GAREM1: variants seen among roughly 807,000 people sequenced by gnomAD.
GAREM1 encodes the protein GRB2 associated regulator of MAPK1 subtype 1, also known as GRB2-associated and regulator of MAPK protein 1.
A neutral mutation model predicts 71.3 loss-of-function variants in GAREM1; 26 were observed. The observed-to-expected ratio is 0.36, with a 90% CI of 0.27 to 0.51. The LOEUF is 0.51. Ranked by LOEUF, GAREM1 falls within the 20% of genes least tolerant of loss-of-function variation. GAREM1 has a pLI of 0.95. For synonymous variants in GAREM1, 440 were observed against 433.2 expected (o/e 1.02, Z -0.20); for missense variants, 1,026 against 1,103.1 (o/e 0.93, Z 0.99).
chr18:32,376,977 G>A (rs1229989503), intron 2 of GAREM1, among the ~76,000 whole-genome samples: 1 of 152,354 alleles, frequency 6.6e-6, no homozygotes, highest in East Asian at 1.9e-4. Flanking sequence ...TCTAAAGTAT[G>A]TTAGTTACAA....
At chr18:32,308,916 C>A (rs1427283503) in intron 3 of GAREM1, among the ~76,000 whole-genome samples, 1 of 150,024 alleles carries the variant, frequency 6.7e-6, no homozygotes, top group Non-Finnish European at 1.5e-5. Flanking sequence ...CAATAAGGGG[C>A]TGTCCTAGGC....
At chr18:32,357,772 T>A (rs960696218) in intron 2 of GAREM1, among the ~76,000 whole-genome samples, 1 of 152,210 alleles carries the variant, frequency 6.6e-6, no homozygotes, top group Non-Finnish European at 1.5e-5. Flanking sequence ...TGCTTCCTTA[T>A]ACTAAACATA....
rs575502474 is a variant in GAREM1 at position 32,326,217 on chromosome 18, C to T, written c.263-15894G>A. On this transcript the variant is annotated intron_variant, in intron 2 of 5. Coordinates refer to ENST00000269209, the MANE Select transcript of GAREM1 (RefSeq NM_001242409.2). Reference sequence around the variant, plus strand: ...CTCACTGCCACCGGGTTGGAGACTTCGGTTATGGGAAAGATAGAGACTGGG... The same window carrying T: ...CTCACTGCCACCGGGTTGGAGACTTTGGTTATGGGAAAGATAGAGACTGGG... Among the ~76,000 whole-genome samples the T allele has an allele frequency of 8.5e-5, 13 of 152,250 alleles. No homozygotes were observed. The South Asian group carries it at 1.2e-3, about 15-fold the overall frequency.
Position 32,373,216 on chromosome 18 carries a change from A to G in GAREM1, c.262+19679T>C, listed in dbSNP as rs1452150600. Among the ~76,000 whole-genome samples the G allele has an allele frequency of 3.3e-5, 5 of 152,232 alleles. No homozygotes were observed. The East Asian group carries it at 9.6e-4, about 29-fold the overall frequency. On this transcript the variant is annotated intron_variant, in intron 2 of 5. Coordinates refer to ENST00000269209, the MANE Select transcript of GAREM1 (RefSeq NM_001242409.2). ...GGGGACACATAAAATTGTTGTATCA[A>G]CTTGGAAGAGAATCCTACTTCTTGT...
intron 2 of GAREM1, among the ~76,000 whole-genome samples, chr18:32,373,696 T>C (rs2048008177): frequency 6.6e-6 from 1 of 152,160 alleles, no homozygotes; most frequent in Non-Finnish European, 1.5e-5. Context: ...ATCTCTAAGG[T>C]TGGTCACTAG....
At chr18:32,375,001 AAAG>A (rs1235665336) in intron 2 of GAREM1, among the ~76,000 whole-genome samples, 2 of 152,206 alleles carry the variant, frequency 1.3e-5, no homozygotes, top group African/African-American at 4.8e-5. Context: ...ACTTTCTCCT[AAAG>A]AAGAAGCTAA....
chr18:32,287,103 C>T lies in GAREM1; in HGVS notation c.1494G>A (p.Gly498=), dbSNP rs750374753. 1.2e-6 allele frequency: 2 copies of T among 1,614,150 alleles called. No individual in the cohort carries two copies. The highest frequency in any genetic ancestry group is 2.2e-5 in the South Asian group (2 of 91,076). ...KCATSPLPIP[G]TLGAAVKSSD... is the part of the protein sequence containing the mutation. Reference sequence around the variant, plus strand: ...AAGACTTCACTGCTGCTCCCAGAGTCCCAGGGATGGGAAGAGGAGAAGTCG... The same window carrying T: ...AAGACTTCACTGCTGCTCCCAGAGTTCCAGGGATGGGAAGAGGAGAAGTCG... Residue 498 remains glycine (G), a synonymous_variant, in exon 4 of 6, where the codon GGG becomes GGA. Transcript: ENST00000269209. The surrounding 1 kb of genome is among the most constrained non-coding windows in gnomAD (Gnocchi z 5.9).
At chr18:32,443,655 C>A (rs1293215036) in intron 1 of GAREM1, among the ~76,000 whole-genome samples, 4 of 152,114 alleles carry the variant, frequency 2.6e-5, no homozygotes, top group African/African-American at 7.2e-5. Flanking sequence ...GAAACTGGAA[C>A]CTTACACATT....
intron 1 of GAREM1, among the ~76,000 whole-genome samples, chr18:32,454,093 G>A (rs186795914): frequency 3.9e-5 from 6 of 152,146 alleles, no homozygotes; most frequent in Non-Finnish European, 7.4e-5. Flanking sequence ...TGTTAAATGA[G>A]TAAGCTAACA....
chr18:32,358,682 C>A (rs2047830912), intron 2 of GAREM1, among the ~76,000 whole-genome samples: 1 of 152,184 alleles, frequency 6.6e-6, no homozygotes, highest in Non-Finnish European at 1.5e-5. Context: ...TACATGACTT[C>A]CAAATTCCCT....
At chr18:32,334,793 C>T (rs1251947959) in intron 2 of GAREM1, among the ~76,000 whole-genome samples, 1 of 152,172 alleles carries the variant, frequency 6.6e-6, no homozygotes, top group African/African-American at 2.4e-5. Flanking sequence ...TCTGCCCTTA[C>T]CCAGTGAAAA....
intron 1 of GAREM1, among the ~76,000 whole-genome samples, chr18:32,446,122 T>C (rs1201056260): frequency 6.6e-6 from 1 of 152,002 alleles, no homozygotes; most frequent in African/African-American, 2.4e-5. Context: ...ACAAATACAA[T>C]AGTAATTATT....
At chr18:32,436,642 T>TCAC (rs1325903043) in intron 1 of GAREM1, among the ~76,000 whole-genome samples, 15 of 152,226 alleles carry the variant, frequency 9.9e-5, no homozygotes, top group African/African-American at 3.6e-4. Flanking sequence ...TTTAAGCATA[T>TCAC]CACCTTATTT....
At chr18:32,411,017 G>A (rs1052708218) in intron 1 of GAREM1, among the ~76,000 whole-genome samples, 1 of 152,112 alleles carries the variant, frequency 6.6e-6, no homozygotes, top group African/African-American at 2.4e-5. Flanking sequence ...TGGCCAGGCT[G>A]GTCTCGAACT....
In GAREM1 at chr18:32,396,851, C is replaced by T. The variant is rs562102481; in HGVS notation, c.122-3816G>A. 3.3e-3 allele frequency among the ~76,000 whole-genome samples: 501 copies of T among 152,158 alleles called. 2 individuals carry two copies. The highest frequency in any genetic ancestry group is 5.4e-3 in the Non-Finnish European group (365 of 68,016). On this transcript the variant is annotated intron_variant, in intron 1 of 5. Coordinates refer to ENST00000269209, the MANE Select transcript of GAREM1 (RefSeq NM_001242409.2). ...AGAAGAGCAACTCCAAGACACATAA[C>T]TGTCAGATTCACCAAAGCTGAAATG...
intron 1 of GAREM1, among the ~76,000 whole-genome samples, chr18:32,443,887 A>C (rs1324999095): frequency 1.3e-5 from 2 of 152,206 alleles, no homozygotes; most frequent in Admixed American, 1.3e-4. Context: ...TCAACTGATG[A>C]ATAAGTAAAC....
At chr18:32,372,129 T>A (rs1252151990) in intron 2 of GAREM1, among the ~76,000 whole-genome samples, 2 of 152,212 alleles carry the variant, frequency 1.3e-5, no homozygotes, top group Non-Finnish European at 2.9e-5. Context: ...TACCTACAGA[T>A]AACCAACACT....
chr18:32,315,727 C>A (rs1477278731), intron 2 of GAREM1, among the ~76,000 whole-genome samples: 1 of 151,822 alleles, frequency 6.6e-6, no homozygotes, highest in Non-Finnish European at 1.5e-5. Context: ...ATTGCAGGTA[C>A]TGTTCAAGTC....
At chr18:32,323,799 C>A (rs2047451327) in intron 2 of GAREM1, among the ~76,000 whole-genome samples, 1 of 152,054 alleles carries the variant, frequency 6.6e-6, no homozygotes, top group Admixed American at 6.5e-5. Flanking sequence ...TAAAATGATT[C>A]ATTTTTTAAT....
Sources: gnomAD v4.1 joint callset for allele counts (sites outside exome capture counted in the v4.1 genomes callset) on GRCh38, gnomAD v4.1.1 for gene constraint, Gnocchi (gnomAD v3.1) non-coding constraint, MANE v1.5 for transcripts, NCBI Gene and HGNC (gene_info 2026-07-23, HGNC 2026-07-21) for gene names.